PIK3CB: variants seen among roughly 807,000 people sequenced by gnomAD.
PIK3CB encodes the protein phosphatidylinositol 4,5-bisphosphate 3-kinase catalytic subunit beta isoform.
PIK3CB carries 39 observed loss-of-function variants against 136.8 expected under a neutral mutation model. That is an observed-to-expected ratio of 0.29 (90% confidence interval 0.22 to 0.37). The LOEUF (loss-of-function observed/expected upper bound fraction) is 0.37. Ranked by LOEUF, PIK3CB falls within the 10% of genes least tolerant of loss-of-function variation. The pLI is 1.00. For synonymous variants in PIK3CB, 428 were observed against 436.6 expected (o/e 0.98, Z 0.25); for missense variants, 868 against 1,275.4 (o/e 0.68, Z 4.87).
At chr3:138,744,882 G>A (rs1255871543) in intron 4 of PIK3CB, among the ~76,000 whole-genome samples, 1 of 152,136 alleles carries the variant, frequency 6.6e-6, no homozygotes, top group Non-Finnish European at 1.5e-5. Context: ...CCTCTCATGT[G>A]GTGTTTATTA....
intron 1 of PIK3CB, among the ~76,000 whole-genome samples, chr3:138,807,288 G>T (rs1304341924): frequency 6.6e-5 from 10 of 152,162 alleles, no homozygotes; most frequent in East Asian, 1.9e-4. Flanking sequence ...AGAAAAATTA[G>T]CCAGGTGTGG....
intron 10 of PIK3CB, among the ~76,000 whole-genome samples, chr3:138,710,213 T>A (rs2044469179): frequency 6.6e-6 from 1 of 151,754 alleles, no homozygotes; most frequent in Non-Finnish European, 1.5e-5. Flanking sequence ...AAGAAATACG[T>A]CAAATATACA....
At chr3:138,733,259 A>G (rs944026142) in intron 8 of PIK3CB, 102 bp downstream of exon 8, 2 of 517,710 alleles carry the variant, frequency 3.9e-6, no homozygotes, top group South Asian at 3.4e-5. Flanking sequence ...TAATTGATCA[A>G]TATGGGTAAA....
chr3:138,801,271 A>G (rs892737010), intron 1 of PIK3CB, among the ~76,000 whole-genome samples: 3 of 152,202 alleles, frequency 2.0e-5, no homozygotes, highest in Non-Finnish European at 4.4e-5. Context: ...TCTACACAGG[A>G]ATGAGCAGTT....
At chr3:138,704,892 T>TA (rs1250712342) in intron 11 of PIK3CB, among the ~76,000 whole-genome samples, 1 of 152,058 alleles carries the variant, frequency 6.6e-6, no homozygotes, top group Non-Finnish European at 1.5e-5. Flanking sequence ...ACACCAAAAG[T>TA]AGAAGTAACG....
chr3:138,788,980 A>AC (rs1559879185), intron 2 of PIK3CB, among the ~76,000 whole-genome samples: 14 of 145,050 alleles, frequency 9.7e-5, no homozygotes, highest in Non-Finnish European at 1.7e-4. Context: ...AAAAAAAAAA[A>AC]AAAAAAAAAA....
chr3:138,715,737 T>G (rs1437699522), intron 8 of PIK3CB, among the ~76,000 whole-genome samples: 1 of 151,650 alleles, frequency 6.6e-6, no homozygotes, highest in African/African-American at 2.4e-5. Context: ...TAATTATAAA[T>G]ATTTATAATA....
chr3:138,744,550 G>A (rs1482591609), intron 4 of PIK3CB, among the ~76,000 whole-genome samples: 1 of 151,786 alleles, frequency 6.6e-6, no homozygotes, highest in African/African-American at 2.4e-5. Flanking sequence ...GAGGTACAAG[G>A]GGAGGCAGCA....
intron 2 of PIK3CB, among the ~76,000 whole-genome samples, chr3:138,777,532 T>C (rs1481216057): frequency 6.6e-6 from 1 of 152,052 alleles, no homozygotes; most frequent in East Asian, 1.9e-4. Context: ...AGACGTCATG[T>C]TTTTCCACCT....
chr3:138,780,846 T>G (rs775024187), intron 2 of PIK3CB, among the ~76,000 whole-genome samples: 113 of 152,032 alleles, frequency 7.4e-4, no homozygotes, highest in Non-Finnish European at 1.5e-3. Flanking sequence ...TTTTGTGGGG[T>G]TTTTTTGTTT....
intron 16 of PIK3CB, among the ~76,000 whole-genome samples, chr3:138,688,071 G>C (rs1189794096): frequency 6.6e-6 from 1 of 152,052 alleles, no homozygotes; most frequent in African/African-American, 2.4e-5. Context: ...AAAAGTAAGG[G>C]ATCAGAAAAA....
chr3:138,684,641 T>A lies in PIK3CB; in HGVS notation c.2299A>T (p.Ile767Phe), dbSNP rs767134885. Reference sequence around the variant, plus strand: ...GTCACTTACTAGAGTTCTGAGAGGATAACACATGGGTTCAGGGGTGACTGC... The same window carrying A: ...GTCACTTACTAGAGTTCTGAGAGGAAAACACATGGGTTCAGGGGTGACTGC... The part of the protein sequence containing the change: ...DLQSPLNPCV[I>F]LSELYVEKCK... Residue 767 changes from isoleucine to phenylalanine, a missense_variant, in exon 17 of 24, where the codon ATC (isoleucine) becomes TTC (phenylalanine). Ile to Phe is a conservative substitution (Grantham distance 21). This residue lies in a region of PIK3CB where 165 missense variants were observed against 295.4 expected (regional missense o/e 0.56). Transcript: ENST00000674063. 6.0e-5 allele frequency: 96 copies of A among 1,608,504 alleles called. No homozygotes were observed. Among genetic ancestry groups the A allele is most frequent in the Non-Finnish European group, 7.8e-5 (92 of 1,178,064 alleles).
intron 21 of PIK3CB, among the ~76,000 whole-genome samples, chr3:138,663,457 C>T (rs2108415362): frequency 6.6e-6 from 1 of 152,320 alleles, no homozygotes; most frequent in South Asian, 2.1e-4. Context: ...TCTCGGCTCA[C>T]TGCAACCTCC....
At chr3:138,775,287 C>G (rs2045845071) in intron 2 of PIK3CB, among the ~76,000 whole-genome samples, 1 of 152,146 alleles carries the variant, frequency 6.6e-6, no homozygotes, top group African/African-American at 2.4e-5. Context: ...GGGAAAACAA[C>G]TGAATTTCAA....
chr3:138,750,809 T>C (rs2045456328), intron 4 of PIK3CB, among the ~76,000 whole-genome samples: 1 of 152,192 alleles, frequency 6.6e-6, no homozygotes, highest in East Asian at 1.9e-4. Flanking sequence ...CACACAGTAT[T>C]TGAAGGTGAC....
intron 4 of PIK3CB, among the ~76,000 whole-genome samples, chr3:138,746,137 T>G (rs2045350589): frequency 6.6e-6 from 1 of 152,080 alleles, no homozygotes; most frequent in Admixed American, 6.6e-5. Flanking sequence ...TCCCAGCTAC[T>G]CAGGAGGCTG....
chr3:138,677,741 C>T (rs957726967), intron 19 of PIK3CB, among the ~76,000 whole-genome samples: 9 of 152,016 alleles, frequency 5.9e-5, no homozygotes, highest in Non-Finnish European at 1.0e-4. Flanking sequence ...ACTAAAACTA[C>T]AAAATTAGCC....
At chr3:138,830,190 T>C (rs558480725) in intron 1 of PIK3CB, among the ~76,000 whole-genome samples, 86 of 152,258 alleles carry the variant, frequency 5.6e-4, no homozygotes, top group Middle Eastern at 3.4e-3. Context: ...TTCCTTTACA[T>C]AATGTGATTT....
chr3:138,762,667 T>C (rs1365061882), intron 2 of PIK3CB, among the ~76,000 whole-genome samples: 1 of 152,110 alleles, frequency 6.6e-6, no homozygotes, highest in Non-Finnish European at 1.5e-5. Flanking sequence ...ATAAAGACCA[T>C]ACTTTGCAGG....
Sources: gnomAD v4.1 joint callset for allele counts (sites outside exome capture counted in the v4.1 genomes callset) on GRCh38, gnomAD v4.1.1 for gene constraint, gnomAD v4.1.1 regional missense constraint, MANE v1.5 for transcripts, NCBI Gene and HGNC (gene_info 2026-07-23, HGNC 2026-07-21) for gene names.